Variants in PGLYRP2 observed in about 807,000 individuals in gnomAD.
The protein encoded by PGLYRP2 is peptidoglycan recognition protein 2.
PGLYRP2 carries 38 observed loss-of-function variants against 46.2 expected under a neutral mutation model. The observed-to-expected ratio is 0.82, with a 90% CI of 0.64 to 1.08. The LOEUF (loss-of-function observed/expected upper bound fraction) is 1.08, where lower values mean the gene tolerates loss of function less well. Ranked by LOEUF, PGLYRP2 falls within the 50% of genes least tolerant of loss-of-function variation. The pLI is 0.00. For missense variants in PGLYRP2, 713 were observed against 755.9 expected, an observed-to-expected ratio of 0.94 and a Z score of 0.67; for synonymous variants, 289 against 329.4, an observed-to-expected ratio of 0.88 and a Z score of 1.33.
chr19:15,478,499 C>T (rs1285929791), intron 1 of PGLYRP2, among the ~76,000 whole-genome samples: 1 of 152,186 alleles, frequency 6.6e-6, no homozygotes, highest in Non-Finnish European at 1.5e-5. Context: ...TTCAGGTACC[C>T]TGGCCTATAT....
Position 15,476,162 on chromosome 19 carries a change from A to T in PGLYRP2, c.508T>A (p.Ser170Thr). Residue 170 changes from serine to threonine, a missense_variant, in exon 2 of 5, where the codon TCC (serine) becomes ACC (threonine). By Grantham distance (58) the Ser-to-Thr change is moderately conservative. Transcript: ENST00000340880. ...GGAGAGCCATCCCTGAGTCCTGGGG[A>T]GGAGGTGGCTCTTACATCTGGAGCA... ...AIAPDVRATS[S>T]PGLRDGSPDV... 6.2e-7 allele frequency: 1 copy of T among 1,614,054 alleles called. No individual in the cohort carries two copies.
At chr19:15,476,635 C>A (rs1467049364) in intron 1 of PGLYRP2, 27 bp from the exon 2 acceptor site, 13 of 1,516,638 alleles carry the variant, frequency 8.6e-6, no homozygotes, top group Admixed American at 2.0e-5. Flanking sequence ...TGTGTTAGCC[C>A]AGCCCCACCC....
intron 2 of PGLYRP2, among the ~76,000 whole-genome samples, 182 bp from the exon 3 acceptor site, chr19:15,472,282 A>AT (rs2145516234): frequency 6.6e-6 from 1 of 152,262 alleles, no homozygotes; most frequent in African/African-American, 2.4e-5. Context: ...AATCTATTTT[A>AT]TTTTTATTAA....
intron 2 of PGLYRP2, among the ~76,000 whole-genome samples, chr19:15,473,616 T>G (rs966734859): frequency 6.6e-6 from 1 of 150,970 alleles, no homozygotes; most frequent in African/African-American, 2.4e-5. Context: ...AAAGAATTCA[T>G]GACTAAGACC....
At chr19:15,473,782 C>G (rs933672238) in intron 2 of PGLYRP2, among the ~76,000 whole-genome samples, 3 of 142,490 alleles carry the variant, frequency 2.1e-5, no homozygotes, top group Non-Finnish European at 4.6e-5. Context: ...GGACTAATAC[C>G]CAGAATTTAC....
Position 15,469,996 on chromosome 19 carries a change from C to T in PGLYRP2, c.1344-67G>A. The T allele has an allele frequency of 7.5e-7, 1 of 1,328,432 alleles. No homozygotes were observed. The highest frequency in any genetic ancestry group is 9.6e-7 in the Non-Finnish European group (1 of 1,039,642). The allele number at this position is 1,328,432 out of a possible 1,614,324, so 82.3% of individuals were successfully genotyped here. ...GGGACCCGGGCCCTTATCCGCTCCC[C>T]TCCCCGATTCTGTTGGTGTGCCAAG... On this transcript the variant is annotated intron_variant, in intron 3 of 4. Coordinates refer to ENST00000340880, the MANE Select transcript of PGLYRP2 (RefSeq NM_052890.4). This position sits in a 1 kb window ranked among gnomAD's most constrained non-coding sequence, Gnocchi z 4.9.
At chr19:15,473,822 GAAAGAAAGAAAGAAAGAA>G (rs749209198) in intron 2 of PGLYRP2, among the ~76,000 whole-genome samples, 113 of 134,900 alleles carry the variant, frequency 8.4e-4, no homozygotes, top group Middle Eastern at 3.7e-3. Flanking sequence ...AGAAAGAAAA[GAAAGAAAGAAAGAAAGAA>G]AAAGAAAGAA....
intron 2 of PGLYRP2, 136 bp from the exon 3 acceptor site, chr19:15,472,236 G>T: frequency 1.5e-6 from 1 of 680,236 alleles, no homozygotes; most frequent in Non-Finnish European, 2.5e-6. Context: ...ACCCCACATT[G>T]GTCCTCCCTG....
In PGLYRP2 at chr19:15,471,973, C is replaced by G; in HGVS notation, c.1260G>C (p.Thr420=). ...HHTYVPAPPC[T]DFTRCAANMR... ...TGTTGGCTGCGCAGCGCGTGAAGTC[C>G]GTGCAGGGTGGTGCAGGCACGTAGG... Residue 420 remains threonine (T), a synonymous_variant, in exon 3 of 5, where the codon ACG becomes ACC. Transcript: ENST00000340880. The G allele has an allele frequency of 1.2e-6, 2 of 1,614,058 alleles. No homozygotes were observed. The highest frequency in any genetic ancestry group is 1.7e-6 in the Non-Finnish European group (2 of 1,179,978).
At chr19:15,470,063 C>T in intron 3 of PGLYRP2, 134 bp from the exon 4 acceptor site, 2 of 931,730 alleles carry the variant, frequency 2.1e-6, no homozygotes, top group Non-Finnish European at 2.9e-6. Flanking sequence ...CTGCCTGTGT[C>T]CCATCCAGCT....
At chr19:15,473,217 C>A (rs1036365743) in intron 2 of PGLYRP2, among the ~76,000 whole-genome samples, 2 of 151,964 alleles carry the variant, frequency 1.3e-5, no homozygotes, top group Non-Finnish European at 2.9e-5. Flanking sequence ...CGCCTGTAAT[C>A]CCAGCAATTT....
In PGLYRP2 at chr19:15,476,098, T is replaced by C. The variant is rs1970793005; in HGVS notation, c.572A>G (p.Asp191Gly). 1 of 1,614,176 alleles carries C rather than the reference T, an allele frequency of 6.2e-7. No homozygotes were observed. The highest frequency in any genetic ancestry group is 8.5e-7 in the Non-Finnish European group (1 of 1,180,028). The part of the protein sequence containing the change: ...TTADIGANTP[D>G]ATKGCPDVQA... ...GACATCTGGACAGCCTTTTGTAGCATCTGGAGTGTTGGCTCCAATATCTGC... is the reference window on the plus strand; with the variant it reads ...GACATCTGGACAGCCTTTTGTAGCACCTGGAGTGTTGGCTCCAATATCTGC... Residue 191 changes from aspartate (D) to glycine (G), a missense_variant, in exon 2 of 5, where the codon GAT becomes GGT. Physicochemically the swap from Asp to Gly is moderately conservative, Grantham distance 94. Transcript: ENST00000340880.
In PGLYRP2 at chr19:15,469,582, G is replaced by C; in HGVS notation, c.1641+50C>G. 2 of 1,554,634 alleles carry C rather than the reference G, an allele frequency of 1.3e-6. No individual in the cohort carries two copies. Among genetic ancestry groups the C allele is most frequent in the Non-Finnish European group, 1.7e-6 (2 of 1,156,708 alleles). ...AGGGGGCAGGGGCCTCGTGGAGCTT[G>C]TGTAGACGGAGGGGCGGCGGGCCGT... On this transcript the variant is annotated intron_variant, in intron 4 of 4. Transcript: ENST00000340880. The surrounding 1 kb of genome is among the most constrained non-coding windows in gnomAD (Gnocchi z 4.9).
Position 15,476,266 on chromosome 19 carries a change from C to T in PGLYRP2, c.404G>A (p.Arg135His), listed in dbSNP as rs747502920. 256 of 1,614,044 alleles carry T rather than the reference C, an allele frequency of 1.6e-4. No homozygotes were observed. The highest frequency in any genetic ancestry group is 2.0e-4 in the Non-Finnish European group (232 of 1,180,042). ...LAGLEAGLQG[R>H]RVINLPLDSM... Reference sequence around the variant, plus strand: ...GTCCAAGGGCAAATTTATGACCCTGCGCCCTTGCAGCCCTGCCTCCAGCCC... The same window carrying T: ...GTCCAAGGGCAAATTTATGACCCTGTGCCCTTGCAGCCCTGCCTCCAGCCC... Residue 135 changes from arginine (R) to histidine (H), a missense_variant, in exon 2 of 5, where the codon CGC (arginine) becomes CAC (histidine). Arg to His is a conservative substitution (Grantham distance 29, BLOSUM62 0). Coordinates refer to ENST00000340880, the MANE Select transcript of PGLYRP2 (RefSeq NM_052890.4).
rs751249604 is a variant in PGLYRP2, at chr19:15,479,318, T to G, written c.54A>C (p.Pro18=). The G allele has an allele frequency of 1.9e-6, 3 of 1,614,084 alleles. No individual in the cohort carries two copies. Among genetic ancestry groups the G allele is most frequent in the Non-Finnish European group, 1.7e-6 (2 of 1,179,962 alleles). ...CTCTGCCCCCTGACTCACCTGTCCC[T>G]GGGTCTGACCACAGTAGCAATCCGA... The part of the protein sequence containing the change: ...ILLGLLLWSD[P]GTASLPLLMD... Residue 18 remains proline, a synonymous_variant, in exon 1 of 5, where the codon CCA becomes CCC. Coordinates refer to ENST00000340880, the MANE Select transcript of PGLYRP2 (RefSeq NM_052890.4).
At chr19:15,470,260 C>A (rs1290411802) in intron 3 of PGLYRP2, among the ~76,000 whole-genome samples, 1 of 118,824 alleles carries the variant, frequency 8.4e-6, no homozygotes, top group Non-Finnish European at 1.7e-5. Context: ...TTCCTTCCTT[C>A]CTTCCTTCCT....
At chr19:15,476,698 C>T in intron 1 of PGLYRP2, 90 bp from the exon 2 acceptor site, 1 of 1,101,574 alleles carries the variant, frequency 9.1e-7, no homozygotes, top group Non-Finnish European at 1.3e-6. Flanking sequence ...TCCCAGCCCT[C>T]CATCTGATAA....
Position 15,469,843 on chromosome 19 carries a change from C to T in PGLYRP2, c.1430G>A (p.Gly477Asp), listed in dbSNP as rs1006699480. Residue 477 changes from glycine (G) to aspartate (D), a missense_variant, in exon 4 of 5, where the codon GGC (glycine) becomes GAC (aspartate). Physicochemically the swap from Gly to Asp is moderately conservative, Grantham distance 94 (BLOSUM62 -1). Coordinates refer to ENST00000340880, the MANE Select transcript of PGLYRP2 (RefSeq NM_052890.4). The surrounding 1 kb of genome is among the most constrained non-coding windows in gnomAD (Gnocchi z 4.9). ...GTTGCCCACTATGGCCACGCCGAAG[C>T]CCCGGGAGTTGTGGCCGAGCGTGTG... ...GAHTLGHNSRGFGVAIVGNYT... is the reference protein window; with the variant it reads ...GAHTLGHNSRDFGVAIVGNYT... 2.6e-6 allele frequency: 4 copies of T among 1,528,438 alleles called. No homozygotes were observed. Among genetic ancestry groups the T allele is most frequent in the Admixed American group, 2.1e-5 (1 of 48,200 alleles). 94.7% of individuals were successfully genotyped at this position (1,528,438 alleles called of 1,614,324 possible). A position where few individuals can be genotyped will look rare whatever the true frequency, so the allele number is the denominator to read the frequency against.
At position 15,471,898 on chromosome 19, in the gene PGLYRP2, G is replaced by A. The variant is rs1435091529; in HGVS notation, c.1335C>T (p.Ile445=). 6.2e-7 allele frequency: 1 copy of A among 1,613,134 alleles called. No homozygotes were observed. The highest frequency in any genetic ancestry group is 8.5e-7 in the Non-Finnish European group (1 of 1,179,406). Residue 445 remains isoleucine (I), a synonymous_variant, in exon 3 of 5, where the codon ATC becomes ATT. Coordinates refer to ENST00000340880, the MANE Select transcript of PGLYRP2 (RefSeq NM_052890.4). ...YHQDTQGWGD[I]GYSFVVGSDG... The stretch of plus-strand genomic sequence containing the variant: ...GGTCGGGCCCCTCCTACCTGTAGCC[G>A]ATGTCTCCCCAGCCTTGCGTGTCCT...
Sources: allele counts gnomAD v4.1 joint callset (sites outside exome capture counted in the v4.1 genomes callset), GRCh38; gene constraint gnomAD v4.1.1; non-coding constraint Gnocchi (gnomAD v3.1); transcripts MANE v1.5; gene names NCBI Gene and HGNC (gene_info 2026-07-23, HGNC 2026-07-21).